The following DNAH14 variants were observed in gnomAD, a reference collection of about 807,000 sequenced individuals.
DNAH14 encodes the protein axonemal beta dynein heavy chain 14.
In DNAH14, 478 loss-of-function variants were observed where a neutral mutation model predicts 520.9. The observed-to-expected ratio is 0.92, with a 90% CI of 0.85 to 0.99. The LOEUF (loss-of-function observed/expected upper bound fraction) is 0.99, where lower values mean the gene tolerates loss of function less well. Among genes scored for constraint, DNAH14 ranks in the 50% least tolerant of loss-of-function variants. DNAH14 has a pLI of 0.00. For missense variants in DNAH14, 4,831 were observed against 5,234.5 expected (o/e 0.92, Z 2.38); for synonymous variants, 1,581 against 1,757.2 (o/e 0.90, Z 2.51).
chr1:225,273,276 A>C (rs894837952), intron 52 of DNAH14, among the ~76,000 whole-genome samples, 151 bp downstream of exon 52: 1 of 152,114 alleles, frequency 6.6e-6, no homozygotes, highest in African/African-American at 2.4e-5. Context: ...CTAAAAATAC[A>C]AAAAAATTAG....
chr1:225,131,746 CATAAG>C (rs1272297827), intron 27 of DNAH14, among the ~76,000 whole-genome samples: 1 of 152,036 alleles, frequency 6.6e-6, no homozygotes, highest in African/African-American at 2.4e-5. Context: ...TTCTGGGTCT[CATAAG>C]AGAGAGGGAA....
At chr1:224,992,364 C>T (rs1373812569) in intron 8 of DNAH14, among the ~76,000 whole-genome samples, 1 of 152,068 alleles carries the variant, frequency 6.6e-6, no homozygotes, top group Admixed American at 6.6e-5. Flanking sequence ...GATATTTTAT[C>T]ATGTATTTGT....
chr1:225,308,122 T>G (rs1419988486), intron 59 of DNAH14, among the ~76,000 whole-genome samples, 163 bp from the exon 60 acceptor site: 1 of 152,230 alleles, frequency 6.6e-6, no homozygotes, highest in Non-Finnish European at 1.5e-5. Flanking sequence ...TCTCTCCATT[T>G]TATTCATCTC....
chr1:225,269,314 A>G (rs992532577), intron 49 of DNAH14, among the ~76,000 whole-genome samples: 13 of 152,328 alleles, frequency 8.5e-5, no homozygotes, highest in African/African-American at 3.1e-4. Context: ...CTTACACCTT[A>G]TATAAAAATT....
At chr1:225,321,305 A>C (rs2094551962) in intron 61 of DNAH14, among the ~76,000 whole-genome samples, 1 of 152,186 alleles carries the variant, frequency 6.6e-6, no homozygotes, top group African/African-American at 2.4e-5. Flanking sequence ...AGACAGTCAG[A>C]AAAAATAACT....
intron 43 of DNAH14, among the ~76,000 whole-genome samples, chr1:225,246,780 G>T (rs1219450096): frequency 1.3e-5 from 2 of 152,180 alleles, no homozygotes; most frequent in South Asian, 2.1e-4. Flanking sequence ...CACTGTTGGT[G>T]GGAGTGTAAA....
rs34115920 is a variant in DNAH14 at position 225,216,481 on chromosome 1, G to T, written c.6439+9261G>T. On this transcript the variant is annotated intron_variant, in intron 41 of 85. Transcript: ENST00000682510. ...TGGAAGTTCTCCTGGATAATATCTT[G>T]CAGAGTGTTTTCCACCTTGGTTCCA... Among the ~76,000 whole-genome samples the T allele has an allele frequency of 1.1e-4, 17 of 152,194 alleles. No individual in the cohort carries two copies. The East Asian group carries it at 3.3e-3, about 30-fold the overall frequency.
chr1:224,992,515 A>G (rs933309558), intron 8 of DNAH14, among the ~76,000 whole-genome samples: 2 of 150,544 alleles, frequency 1.3e-5, no homozygotes, highest in African/African-American at 4.8e-5. Context: ...GTGTTTTTAG[A>G]TGGTTTATTA....
chr1:225,216,763 T>G (rs1333307594), intron 41 of DNAH14, among the ~76,000 whole-genome samples: 2 of 152,186 alleles, frequency 1.3e-5, no homozygotes, highest in Non-Finnish European at 2.9e-5. Flanking sequence ...TTTAATGACT[T>G]CTCTACACTG....
intron 41 of DNAH14, among the ~76,000 whole-genome samples, chr1:225,210,066 T>C (rs994194832): frequency 6.6e-6 from 1 of 151,958 alleles, no homozygotes; most frequent in Non-Finnish European, 1.5e-5. Flanking sequence ...AGCACGAAAC[T>C]GGGTGGCTAT....
At chr1:225,173,951 G>A (rs530186596) in intron 36 of DNAH14, among the ~76,000 whole-genome samples, 1 of 152,318 alleles carries the variant, frequency 6.6e-6, no homozygotes, top group South Asian at 2.1e-4. Context: ...ATGAGTTCAT[G>A]TCCTTTGTAG....
intron 76 of DNAH14, among the ~76,000 whole-genome samples, chr1:225,367,139 CTG>C (rs1553364223): frequency 6.6e-6 from 1 of 151,818 alleles, no homozygotes; most frequent in African/African-American, 2.4e-5. Context: ...TATATATAAA[CTG>C]TGCAAGGAGG....
Position 225,130,605 on chromosome 1 carries a change from A to G in DNAH14, c.4254+6991A>G, listed in dbSNP as rs559640505. The stretch of plus-strand genomic sequence containing the variant: ...AAACACTGCCTGTTCTCACTCATAG[A>G]TGGGAATTGAACAATGAGAACACAT... On this transcript the variant is annotated intron_variant, in intron 27 of 85. Transcript: ENST00000682510. 1.5e-3 allele frequency among the ~76,000 whole-genome samples: 204 copies of G among 140,654 alleles called. 1 individual carries two copies. Among genetic ancestry groups the G allele is most frequent in the African/African-American group, 5.2e-3 (196 of 37,826 alleles). 92.3% of individuals were successfully genotyped at this position (140,654 alleles called of 152,430 possible).
chr1:225,150,958 C>T (rs1023182115), intron 31 of DNAH14, among the ~76,000 whole-genome samples: 2 of 151,978 alleles, frequency 1.3e-5, no homozygotes, highest in Non-Finnish European at 2.9e-5. Context: ...GTGATCTGCC[C>T]GCCTCAGCCT....
intron 17 of DNAH14, among the ~76,000 whole-genome samples, chr1:225,054,405 T>C (rs2068837997): frequency 6.6e-6 from 1 of 152,160 alleles, no homozygotes; most frequent in African/African-American, 2.4e-5. Flanking sequence ...ATGTATATTT[T>C]ATCCAAATGT....
chr1:225,079,356 A>C lies in DNAH14; in HGVS notation c.2574A>C (p.Ala858=). 2 of 1,550,918 alleles carry C rather than the reference A, an allele frequency of 1.3e-6. No homozygotes were observed. Among genetic ancestry groups the C allele is most frequent in the Non-Finnish European group, 1.7e-6 (2 of 1,146,780 alleles). Residue 858 remains alanine, a synonymous_variant, in exon 18 of 86, where the codon GCA becomes GCC. Coordinates refer to ENST00000682510, the MANE Select transcript of DNAH14 (RefSeq NM_001367479.1). ...FLTMSQLYSV[A]KHHQIHISEE... is the part of the protein sequence containing the mutation. Reference sequence around the variant, plus strand: ...CAATGTCTCAGCTATATTCTGTTGCAAAGCATCACCAGATCCATATTTCAG... The same window carrying C: ...CAATGTCTCAGCTATATTCTGTTGCCAAGCATCACCAGATCCATATTTCAG...
At chr1:225,035,329 A>C (rs1291695018) in intron 11 of DNAH14, among the ~76,000 whole-genome samples, 1 of 151,834 alleles carries the variant, frequency 6.6e-6, no homozygotes, top group Non-Finnish European at 1.5e-5. Flanking sequence ...AATGTGGCTA[A>C]AGGTTTATCA....
intron 1 of DNAH14, among the ~76,000 whole-genome samples, chr1:224,938,342 C>G (rs967361843): frequency 1.6e-5 from 2 of 127,254 alleles, no homozygotes; most frequent in African/African-American, 1.1e-4. Context: ...TCAAATAACT[C>G]AATAGCGAAA....
In DNAH14 at chr1:225,079,564, T is replaced by G; in HGVS notation, c.2766+16T>G. 6.7e-7 allele frequency: 1 copy of G among 1,493,376 alleles called. No individual in the cohort carries two copies. 92.5% of individuals were successfully genotyped at this position (1,493,376 alleles called of 1,614,324 possible). ...AAAAGCCAAGGTAAGTTTTTAGGGTTTTTTTGGATTTTTTTTTTATTAAAA... is the reference window on the plus strand; with the variant it reads ...AAAAGCCAAGGTAAGTTTTTAGGGTGTTTTTGGATTTTTTTTTTATTAAAA... On this transcript the variant is annotated intron_variant, in intron 18 of 85. Transcript: ENST00000682510.
Sources: gnomAD v4.1 joint callset for allele counts (sites outside exome capture counted in the v4.1 genomes callset) on GRCh38, gnomAD v4.1.1 for gene constraint, MANE v1.5 for transcripts, NCBI Gene and HGNC (gene_info 2026-07-23, HGNC 2026-07-21) for gene names.